The following RBFOX1 variants were observed in gnomAD, a reference collection of about 807,000 sequenced individuals.
RBFOX1 encodes RNA binding fox-1 homolog 1, also known as RNA binding protein fox-1 homolog 1.
A neutral mutation model predicts 57.7 loss-of-function variants in RBFOX1; 8 were observed. The observed-to-expected ratio is 0.14, with a 90% confidence interval of 0.08 to 0.25. RBFOX1 has a LOEUF of 0.25. Ranked by LOEUF, RBFOX1 falls within the 10% of genes least tolerant of loss-of-function variation. The probability of loss-of-function intolerance (pLI) is 1.00; values close to 1 mark genes in which losing one functional copy is unlikely to be tolerated. For missense variants in RBFOX1, 611 were observed against 548.5 expected (o/e 1.11, Z -1.14); for synonymous variants, 326 against 222.4 (o/e 1.47, Z -4.15).
chr16:7,688,071 C>A (rs981129165), intron 14 of RBFOX1, among the ~76,000 whole-genome samples: 3 of 151,996 alleles, frequency 2.0e-5, no homozygotes, highest in African/African-American at 7.2e-5. Flanking sequence ...AAAACCTCTG[C>A]CTTATAAACA....
intron 11 of RBFOX1, among the ~76,000 whole-genome samples, chr16:7,645,479 C>G (rs557620692): frequency 6.6e-6 from 1 of 152,124 alleles, no homozygotes; most frequent in East Asian, 1.9e-4. Context: ...ATATTTTTAT[C>G]GACACTTTTG....
chr16:5,493,532 G>A (rs928147007), intron 2 of RBFOX1, among the ~76,000 whole-genome samples: 2 of 152,224 alleles, frequency 1.3e-5, no homozygotes, highest in African/African-American at 2.4e-5. Context: ...ACTTTGCGAA[G>A]TCCCTGTCCC....
At chr16:7,437,017 A>T (rs571769508) in intron 4 of RBFOX1, among the ~76,000 whole-genome samples, 4 of 152,234 alleles carry the variant, frequency 2.6e-5, no homozygotes, top group Non-Finnish European at 5.9e-5. Flanking sequence ...GGAGGTGGAG[A>T]TTGCAGTAAG....
At position 5,468,904 on chromosome 16, in the gene RBFOX1, C is replaced by T. The variant is rs113603491; in HGVS notation, c.258+1650C>T. On this transcript the variant is annotated intron_variant, in intron 2 of 2. Coordinates refer to the RBFOX1 transcript ENST00000585867. ...GTCGCTACTTCTTCACTTGGCTTCC[C>T]GCCCCGTCCCTTAGCTTAATTCTAG... 8.7e-3 allele frequency among the ~76,000 whole-genome samples: 1,325 copies of T among 152,342 alleles called. 19 individuals are homozygous for T. The highest frequency in any genetic ancestry group is 0.029 in the African/African-American group (1,204 of 41,578).
In RBFOX1 at chr16:7,517,127, A is replaced by G. The variant is rs534400775; in HGVS notation, c.28-1020A>G. Among the ~76,000 whole-genome samples the G allele has an allele frequency of 1.1e-4, 15 of 137,540 alleles. No homozygotes were observed. The South Asian group carries it at 3.4e-3, about 32-fold the overall frequency. 90.2% of individuals were successfully genotyped at this position (137,540 alleles called of 152,430 possible). A position where few individuals can be genotyped will look rare whatever the true frequency, so the allele number is the denominator to read the frequency against. ...GGAAAGTTTAGACCTTTGGGTTACAATTTCTTATGCCGTGTGTGTGTGTGT... is the reference window on the plus strand; with the variant it reads ...GGAAAGTTTAGACCTTTGGGTTACAGTTTCTTATGCCGTGTGTGTGTGTGT... On this transcript the variant is annotated intron_variant, in intron 4 of 15. Transcript: ENST00000550418.
intron 2 of RBFOX1, among the ~76,000 whole-genome samples, chr16:5,470,842 G>A (rs1279331737): frequency 6.6e-6 from 1 of 152,054 alleles, no homozygotes; most frequent in Non-Finnish European, 1.5e-5. Flanking sequence ...TACCAGTGCA[G>A]TGATTATTAT....
chr16:6,183,164 T>C (rs2097077892), intron 1 of RBFOX1, among the ~76,000 whole-genome samples: 1 of 152,066 alleles, frequency 6.6e-6, no homozygotes, highest in African/African-American at 2.4e-5. Flanking sequence ...AACAATGTAT[T>C]AATCGCCATG....
chr16:7,228,410 A>T (rs2093286364), intron 4 of RBFOX1, among the ~76,000 whole-genome samples: 1 of 152,176 alleles, frequency 6.6e-6, no homozygotes, highest in Non-Finnish European at 1.5e-5. Flanking sequence ...GCTTAATGAA[A>T]ACCTAAATCA....
intron 2 of RBFOX1, among the ~76,000 whole-genome samples, chr16:5,480,323 C>G (rs570674350): frequency 4.3e-4 from 65 of 152,092 alleles, no homozygotes; most frequent in African/African-American, 1.5e-3. Context: ...AGCACACCCA[C>G]ATGTACTACA....
intron 1 of RBFOX1, among the ~76,000 whole-genome samples, chr16:6,048,738 T>G (rs1425763050): frequency 6.6e-6 from 1 of 152,224 alleles, no homozygotes; most frequent in Non-Finnish European, 1.5e-5. Context: ...CAACAGCTTT[T>G]GGATATTAAA....
chr16:7,151,518 C>T (rs567697457), intron 4 of RBFOX1, among the ~76,000 whole-genome samples: 1 of 152,110 alleles, frequency 6.6e-6, no homozygotes, highest in Non-Finnish European at 1.5e-5. Context: ...CTACTTGTAG[C>T]CTCTAGACCA....
intron 4 of RBFOX1, among the ~76,000 whole-genome samples, chr16:7,336,582 G>T (rs1483115750): frequency 6.6e-6 from 1 of 152,204 alleles, no homozygotes; most frequent in African/African-American, 2.4e-5. Flanking sequence ...TCACAATCTA[G>T]TGGAAGAACT....
intron 2 of RBFOX1, among the ~76,000 whole-genome samples, chr16:6,651,812 T>C (rs1276225962): frequency 2.0e-5 from 3 of 152,170 alleles, no homozygotes; most frequent in East Asian, 3.9e-4. Context: ...AGCCCAAATA[T>C]CTATCCACAG....
chr16:5,622,178 G>A (rs984886424), intron 3 of RBFOX1, among the ~76,000 whole-genome samples: 3 of 152,310 alleles, frequency 2.0e-5, no homozygotes, highest in African/African-American at 4.8e-5. Flanking sequence ...ACAATCTACA[G>A]TGTACCTGCT....
chr16:6,608,830 G>C (rs569095143), intron 2 of RBFOX1, among the ~76,000 whole-genome samples: 1 of 152,260 alleles, frequency 6.6e-6, no homozygotes, highest in Non-Finnish European at 1.5e-5. Context: ...GAAGTCTGCA[G>C]TGTGTCTCAC....
At chr16:6,436,142 C>T (rs1048187115) in intron 2 of RBFOX1, among the ~76,000 whole-genome samples, 1 of 152,008 alleles carries the variant, frequency 6.6e-6, no homozygotes, top group Non-Finnish European at 1.5e-5. Context: ...TGCATTTTCT[C>T]TTCTGGTTAA....
In RBFOX1 at chr16:6,191,422, A is replaced by G. The variant is rs890584450; in HGVS notation, c.-126-125573A>G. Among the ~76,000 whole-genome samples, 6 of 151,898 alleles carry G rather than the reference A, an allele frequency of 4.0e-5. No homozygotes were observed. The East Asian group carries it at 1.2e-3, about 30-fold the overall frequency. ...ATTTTGACTTTGAGTCACTCTTGAG[A>G]ATTTAGGGGGTGGTCACATGGTACT... On this transcript the variant is annotated intron_variant, in intron 1 of 15. Transcript: ENST00000550418.
chr16:7,085,431 A>C (rs984812077), intron 4 of RBFOX1, among the ~76,000 whole-genome samples: 2 of 152,176 alleles, frequency 1.3e-5, no homozygotes, highest in Non-Finnish European at 2.9e-5. Flanking sequence ...GTTATGTTTC[A>C]AAAAAGTATC....
chr16:6,489,407 A>G (rs771376526), intron 2 of RBFOX1, among the ~76,000 whole-genome samples: 5 of 152,156 alleles, frequency 3.3e-5, no homozygotes, highest in Non-Finnish European at 5.9e-5. Flanking sequence ...AATCTTTAAG[A>G]TAAGCCTAGG....
Sources: gnomAD v4.1 joint callset for allele counts (sites outside exome capture counted in the v4.1 genomes callset) on GRCh38, gnomAD v4.1.1 for gene constraint, MANE v1.5 for transcripts, NCBI Gene and HGNC (gene_info 2026-07-23, HGNC 2026-07-21) for gene names.